POMGNT1: variants seen among roughly 807,000 people sequenced by gnomAD.
POMGNT1 encodes protein O-linked mannose N-acetylglucosaminyltransferase 1 (beta 1,2-), also known as protein O-linked-mannose beta-1,2-N-acetylglucosaminyltransferase 1.
In POMGNT1, 67 loss-of-function variants were observed where a neutral mutation model predicts 95.6. That is an observed-to-expected ratio of 0.70 (90% CI 0.58 to 0.86). The LOEUF (loss-of-function observed/expected upper bound fraction) is 0.86, where lower values mean the gene tolerates loss of function less well. Ranked by LOEUF, POMGNT1 falls within the 40% of genes least tolerant of loss-of-function variation. POMGNT1 has a pLI of 0.00. For synonymous variants in POMGNT1, 298 were observed against 317.9 expected (o/e 0.94, Z 0.66); for missense variants, 719 against 855.2 (o/e 0.84, Z 1.99).
At chr1:46,219,840 C>G in exon 1 of POMGNT1, 1 of 1,614,220 alleles carries the variant, frequency 6.2e-7, no homozygotes, top group East Asian at 2.2e-5. Flanking sequence ...TCAATATAGC[C>G]TGACAGGCGG....
At chr1:46,205,459 AT>A (rs1658681665) in intron 1 of POMGNT1, among the ~76,000 whole-genome samples, 1 of 152,198 alleles carries the variant, frequency 6.6e-6, no homozygotes, top group Admixed American at 6.5e-5. Context: ...TAGTCTGAAC[AT>A]TTTATGTCAT....
intron 1 of POMGNT1, among the ~76,000 whole-genome samples, chr1:46,203,976 C>T (rs1017386001): frequency 2.0e-5 from 3 of 152,192 alleles, no homozygotes; most frequent in Middle Eastern, 3.4e-3. Flanking sequence ...ACCTATTCCC[C>T]GCCAGTCCCC....
upstream of POMGNT1, among the ~76,000 whole-genome samples, chr1:46,199,305 G>A (rs995816360): frequency 3.9e-5 from 6 of 152,228 alleles, no homozygotes; most frequent in African/African-American, 1.4e-4. Context: ...AAAGCTAGGA[G>A]AGGTGGAATT....
chr1:46,202,929 G>A (rs1202664136), upstream of POMGNT1, among the ~76,000 whole-genome samples: 1 of 131,714 alleles, frequency 7.6e-6, no homozygotes, highest in African/African-American at 2.9e-5. Context: ...TGGTGTGTGT[G>A]TGTGTGTGTG....
At chr1:46,220,299 G>T (rs764873582) in exon 1 of POMGNT1, 203 of 1,428,196 alleles carry the variant, frequency 1.4e-4, no homozygotes, top group Non-Finnish European at 1.8e-4. Context: ...TTCTCCCTCA[G>T]TCTGAGACTA....
chr1:46,194,438 C>T, intron 8 of POMGNT1, 37 bp from the exon 9 acceptor site: 2 of 1,614,068 alleles, frequency 1.2e-6, no homozygotes, highest in Non-Finnish European at 1.7e-6. Flanking sequence ...AGGCATGGGG[C>T]CAGCAAGGTT....
At position 46,192,125 on chromosome 1, in the gene POMGNT1, G is replaced by A. The variant is rs766583833; in HGVS notation, c.1512C>T (p.Val504=). ...GAAAGTAGCCATTCATGTTGAGGCC[G>A]ACGATGCCAAAGTGGTAGGATCGGG... ...DVSRSYHFGI[V]GLNMNGYFHE... The change falls in exon 17 of 22, where the codon GTC becomes GTT. Residue 504 remains valine (V), a synonymous_variant. Coordinates refer to ENST00000371984, the MANE Select transcript of POMGNT1 (RefSeq NM_017739.4). 3.7e-6 allele frequency: 6 copies of A among 1,614,118 alleles called. No individual in the cohort carries two copies. The highest frequency in any genetic ancestry group is 1.1e-5 in the South Asian group (1 of 91,084).
intron 19 of POMGNT1, 30 bp from the exon 20 acceptor site, chr1:46,190,019 A>C: frequency 6.2e-7 from 1 of 1,612,850 alleles, no homozygotes; most frequent in Non-Finnish European, 8.5e-7. Context: ...AATATAGCCA[A>C]GACAGGGCCC....
rs200759272 is a variant in POMGNT1, at chr1:46,194,543, C to T, written c.751+10G>A. 1.3e-4 allele frequency: 216 copies of T among 1,614,032 alleles called. 1 individual carries two copies. Among genetic ancestry groups the T allele is most frequent in the Non-Finnish European group, 1.6e-4 (186 of 1,180,028 alleles). ...CAGGCCCTGCCCCATCCATGCTCCACTAACTCCACCTTCTGCTGAGCTCAA... is the reference window on the plus strand; with the variant it reads ...CAGGCCCTGCCCCATCCATGCTCCATTAACTCCACCTTCTGCTGAGCTCAA... On this transcript the variant is annotated intron_variant, in intron 8 of 21. Coordinates refer to ENST00000371984, the MANE Select transcript of POMGNT1 (RefSeq NM_017739.4).
chr1:46,212,330 G>C (rs564281681), intron 1 of POMGNT1, among the ~76,000 whole-genome samples: 1 of 151,314 alleles, frequency 6.6e-6, no homozygotes, highest in Non-Finnish European at 1.5e-5. Flanking sequence ...ATCCAGGCTG[G>C]AGTGCAGTGG....
intron 1 of POMGNT1, chr1:46,203,570 G>A: frequency 6.3e-7 from 1 of 1,577,536 alleles, no homozygotes; most frequent in South Asian, 1.2e-5. Context: ...TCCCAGGGGC[G>A]TCTAGCACCG....
upstream of POMGNT1, among the ~76,000 whole-genome samples, chr1:46,199,188 C>T (rs1382308839): frequency 1.3e-5 from 2 of 152,168 alleles, no homozygotes; most frequent in Non-Finnish European, 2.9e-5. Flanking sequence ...GTGATCCGCC[C>T]GCCTTGGCCT....
rs369760788 is a variant in POMGNT1, at chr1:46,193,227, G to T, written c.1111-12C>A. On this transcript the variant is annotated splice_polypyrimidine_tract_variant and intron_variant, in intron 12 of 21. Coordinates refer to ENST00000371984, the MANE Select transcript of POMGNT1 (RefSeq NM_017739.4). ...CTGGCCTTGTAGTGCTGGGAGTGGGGTGGGAATAGGGCACATGAGCTTTAG... is the reference window on the plus strand; with the variant it reads ...CTGGCCTTGTAGTGCTGGGAGTGGGTTGGGAATAGGGCACATGAGCTTTAG... 6.8e-6 allele frequency: 11 copies of T among 1,614,088 alleles called. No homozygotes were observed. Among genetic ancestry groups the T allele is most frequent in the Admixed American group, 1.7e-5 (1 of 60,004 alleles).
chr1:46,218,936 G>A (rs914769702), intron 1 of POMGNT1, among the ~76,000 whole-genome samples: 15 of 152,102 alleles, frequency 9.9e-5, no homozygotes, highest in Middle Eastern at 3.4e-3. Context: ...TCTACTTCCT[G>A]ATTAACACCC....
At chr1:46,205,574 C>G (rs1156589011) in intron 1 of POMGNT1, among the ~76,000 whole-genome samples, 3 of 152,232 alleles carry the variant, frequency 2.0e-5, no homozygotes, top group Non-Finnish European at 4.4e-5. Context: ...CGCCCAGTCT[C>G]TGGCTCTCTT....
At chr1:46,200,556 A>T (rs1299793442), upstream of POMGNT1, among the ~76,000 whole-genome samples, 13 of 152,346 alleles carry the variant, frequency 8.5e-5, no homozygotes, top group East Asian at 2.5e-3. Flanking sequence ...TACACCACAC[A>T]CAAAGGCTGG....
Position 46,193,166 on chromosome 1 carries a change from G to A in POMGNT1, c.1152+8C>T. On this transcript the variant is annotated splice_region_variant and intron_variant, in intron 13 of 21. Coordinates refer to ENST00000371984, the MANE Select transcript of POMGNT1 (RefSeq NM_017739.4). ...CCCAGGCCCAAGAGTTGTATCCTTAGTACTCACCGGAAACAGGTTGAAAGT... is the reference window on the plus strand; with the variant it reads ...CCCAGGCCCAAGAGTTGTATCCTTAATACTCACCGGAAACAGGTTGAAAGT... The A allele has an allele frequency of 1.9e-6, 3 of 1,614,136 alleles. No individual in the cohort carries two copies. Among genetic ancestry groups the A allele is most frequent in the Non-Finnish European group, 1.7e-6 (2 of 1,180,028 alleles).
At chr1:46,195,013 TG>T in intron 6 of POMGNT1, 52 bp from the exon 7 acceptor site, 1 of 1,555,770 alleles carries the variant, frequency 6.4e-7, no homozygotes. Flanking sequence ...CCAGGAGACC[TG>T]GCCTCACAGA....
intron 1 of POMGNT1, chr1:46,203,475 G>A: frequency 6.6e-7 from 1 of 1,522,160 alleles, no homozygotes; most frequent in Non-Finnish European, 8.8e-7. Flanking sequence ...GGATGTGGAG[G>A]GTAAGGTGGG....
Sources: gnomAD v4.1 joint callset for allele counts (sites outside exome capture counted in the v4.1 genomes callset) on GRCh38, gnomAD v4.1.1 for gene constraint, MANE v1.5 for transcripts, NCBI Gene and HGNC (gene_info 2026-07-23, HGNC 2026-07-21) for gene names.